The following BICD1 variants were observed in gnomAD, a reference collection of about 807,000 sequenced individuals.
BICD1 encodes BICD cargo adaptor 1.
Under a neutral mutation model 92.5 loss-of-function variants are expected in BICD1, and 35 were observed. That is an observed-to-expected ratio of 0.38 (90% confidence interval 0.29 to 0.50). The LOEUF is 0.50. Ranked by LOEUF, BICD1 falls within the 20% of genes least tolerant of loss-of-function variation. BICD1 has a pLI of 0.93. For missense variants in BICD1, 950 were observed against 1,189.8 expected, an observed-to-expected ratio of 0.80 and a Z score of 2.97; for synonymous variants, 429 against 465.1, an observed-to-expected ratio of 0.92 and a Z score of 1.00.
intron 1 of BICD1, among the ~76,000 whole-genome samples, chr12:32,173,143 G>T (rs1172459873): frequency 1.5e-4 from 23 of 152,086 alleles, no homozygotes; most frequent in Admixed American, 1.4e-3. Flanking sequence ...CGCCTCCAGG[G>T]TTCAAGCAAT....
At chr12:32,267,618 G>A (rs1274710034) in intron 2 of BICD1, among the ~76,000 whole-genome samples, 2 of 151,580 alleles carry the variant, frequency 1.3e-5, no homozygotes, top group African/African-American at 2.4e-5. Flanking sequence ...TCCTTATTAA[G>A]CTATTTTTTT....
At chr12:32,226,509 C>A (rs1166225634) in intron 2 of BICD1, among the ~76,000 whole-genome samples, 1 of 152,206 alleles carries the variant, frequency 6.6e-6, no homozygotes, top group Non-Finnish European at 1.5e-5. Flanking sequence ...ACCATCTCCT[C>A]ACTTCACACT....
In BICD1 at chr12:32,328,461, C is replaced by A. The variant is rs375672599; in HGVS notation, c.2006C>A (p.Ala669Asp). The A allele has an allele frequency of 5.6e-6, 9 of 1,614,034 alleles. No homozygotes were observed. In the African/African-American group the frequency reaches 6.7e-5, roughly 12 times the overall value. Residue 669 changes from alanine to aspartate, a missense_variant, in exon 5 of 10, where the codon GCC (alanine) becomes GAC (aspartate). By Grantham distance (126) the Ala-to-Asp change is moderately radical. Around this residue, in one of 5 missense-constraint regions of BICD1, gnomAD observed 309 missense variants for 499.4 expected, o/e 0.62. Coordinates refer to ENST00000652176, the MANE Select transcript of BICD1 (RefSeq NM_001714.4). This position sits in a 1 kb window ranked among gnomAD's most constrained non-coding sequence, Gnocchi z 4.4. ...LAPMIDKDKEALMEEILKLKS... is the reference protein window; with the variant it reads ...LAPMIDKDKEDLMEEILKLKS... ...CCCATGATTGATAAAGACAAGGAAG[C>A]CTTAATGGAAGAGATCCTCAAGCTA...
intron 8 of BICD1, among the ~76,000 whole-genome samples, chr12:32,366,792 T>A (rs1007773848): frequency 6.6e-6 from 1 of 152,254 alleles, no homozygotes; most frequent in African/African-American, 2.4e-5. Context: ...AAAATCTTTT[T>A]GGAGAAATAT....
chr12:32,274,274 C>T (rs994903752), intron 2 of BICD1, among the ~76,000 whole-genome samples: 1 of 152,124 alleles, frequency 6.6e-6, no homozygotes, highest in African/African-American at 2.4e-5. Context: ...ATCAATACCT[C>T]GAAGTCTGTA....
rs190661701 is a variant in BICD1 at position 32,241,014 on chromosome 12, A to G, written c.426+24555A>G. Among the ~76,000 whole-genome samples, 218 of 152,290 alleles carry G rather than the reference A, an allele frequency of 1.4e-3. 1 individual carries two copies. Among genetic ancestry groups the G allele is most frequent in the African/African-American group, 5.2e-3 (215 of 41,554 alleles). On this transcript the variant is annotated intron_variant, in intron 2 of 9. Transcript: ENST00000652176. ...CTGGGGCCAGTCAGCAGAGGAGGGCAGTGAGTCACTCCAAGGTCAGACAGT... is the reference window on the plus strand; with the variant it reads ...CTGGGGCCAGTCAGCAGAGGAGGGCGGTGAGTCACTCCAAGGTCAGACAGT...
At chr12:32,108,348 T>G (rs1470074316) in intron 1 of BICD1, 3 of 241,610 alleles carry the variant, frequency 1.2e-5, no homozygotes, top group African/African-American at 6.7e-5. Flanking sequence ...TCTCTTTAGT[T>G]TTTTGGTATT....
rs187024341 is a variant in BICD1, at chr12:32,213,358, G to A, written c.214-2889G>A. 3.5e-4 allele frequency among the ~76,000 whole-genome samples: 54 copies of A among 152,292 alleles called. 1 individual carries two copies. Among genetic ancestry groups the A allele is most frequent in the Admixed American group, 5.9e-4 (9 of 15,298 alleles). On this transcript the variant is annotated intron_variant, in intron 1 of 9. Transcript: ENST00000652176. ...CATTTTTGACAACAATACCACTGAA[G>A]TGATGTTGTGCCCTTCCCAATGTTT...
In BICD1 at chr12:32,382,887, G is replaced by A. The variant is rs1940233993; in HGVS notation, c.*5260G>A. The A allele has an allele frequency of 6.6e-6, 1 of 151,996 alleles. No homozygotes were observed. Among genetic ancestry groups the A allele is most frequent in the African/African-American group, 2.4e-5 (1 of 41,398 alleles). The allele number at this position is 151,996 out of a possible 1,614,324, so 9.4% of individuals were successfully genotyped here. A position where few individuals can be genotyped will look rare whatever the true frequency, so the allele number is the denominator to read the frequency against. On this transcript the variant is annotated 3_prime_UTR_variant, in exon 10 of 10. Transcript: ENST00000652176. Reference sequence around the variant, plus strand: ...TAATGGAGATACAGAATGACTCATTGGGTTCATAGGTATGATTTGTGCAGC... The same window carrying A: ...TAATGGAGATACAGAATGACTCATTAGGTTCATAGGTATGATTTGTGCAGC...
intron 1 of BICD1, among the ~76,000 whole-genome samples, chr12:32,142,964 T>G (rs1942993091): frequency 6.6e-6 from 1 of 152,196 alleles, no homozygotes; most frequent in Non-Finnish European, 1.5e-5. Context: ...CTACAAGCCG[T>G]TAAATAGTTC....
chr12:32,322,541 G>A (rs1948687035), intron 4 of BICD1, among the ~76,000 whole-genome samples: 1 of 152,184 alleles, frequency 6.6e-6, no homozygotes, highest in Admixed American at 6.5e-5. Context: ...GGTAATGTTT[G>A]CTCGCCTGCC....
chr12:32,381,859 T>G lies in BICD1; in HGVS notation c.*4232T>G, dbSNP rs766710595. 3.9e-5 allele frequency: 6 copies of G among 152,142 alleles called. No individual in the cohort carries two copies. The highest frequency in any genetic ancestry group is 5.9e-5 in the Non-Finnish European group (4 of 67,974). The allele number at this position is 152,142 out of a possible 1,614,324, so 9.4% of individuals were successfully genotyped here. A position where few individuals can be genotyped will look rare whatever the true frequency, so the allele number is the denominator to read the frequency against. On this transcript the variant is annotated 3_prime_UTR_variant, in exon 10 of 10. Transcript: ENST00000652176. ...TTTGTTTATAAACTAGAGTGATTTT[T>G]AAGTAACCCTTATATTTAAGGCTGC... is the stretch of plus-strand genomic sequence containing the variant.
At chr12:32,261,269 A>C (rs770412035) in intron 2 of BICD1, among the ~76,000 whole-genome samples, 1 of 152,238 alleles carries the variant, frequency 6.6e-6, no homozygotes, top group Non-Finnish European at 1.5e-5. Context: ...ACAGACGATG[A>C]ATAGTAATTA....
intron 1 of BICD1, among the ~76,000 whole-genome samples, chr12:32,128,996 C>T (rs1044453848): frequency 2.6e-5 from 4 of 151,852 alleles, no homozygotes; most frequent in Admixed American, 2.6e-4. Flanking sequence ...GGCTGGAGTG[C>T]AGTGGCACGA....
At chr12:32,367,858 A>G in intron 9 of BICD1, 113 bp downstream of exon 9, 1 of 979,900 alleles carries the variant, frequency 1.0e-6, no homozygotes, top group Non-Finnish European at 1.6e-6. Flanking sequence ...GCTGTATTTT[A>G]TTTCAAGTGT....
intron 2 of BICD1, among the ~76,000 whole-genome samples, chr12:32,236,943 C>T (rs996257913): frequency 2.4e-4 from 34 of 142,818 alleles, no homozygotes; most frequent in African/African-American, 8.2e-4. Context: ...GGCACAATCT[C>T]GGCTCACTGC....
chr12:32,256,563 A>G (rs1946726884), intron 2 of BICD1, among the ~76,000 whole-genome samples: 1 of 152,246 alleles, frequency 6.6e-6, no homozygotes, highest in South Asian at 2.1e-4. Context: ...TTAGAAAATG[A>G]TAAAGAAAAG....
intron 8 of BICD1, among the ~76,000 whole-genome samples, chr12:32,346,884 A>G (rs905741911): frequency 2.0e-5 from 3 of 150,320 alleles, no homozygotes; most frequent in African/African-American, 7.3e-5. Flanking sequence ...TCTAAATTTG[A>G]ATAACTAATG....
rs1240591777 is a variant in BICD1, at chr12:32,382,277, T to C, written c.*4650T>C. ...AGAGATATTTAGTATTAAGACATGTTCCCCAATTGAGAATTTTCCAGAATA... is the reference window on the plus strand; with the variant it reads ...AGAGATATTTAGTATTAAGACATGTCCCCCAATTGAGAATTTTCCAGAATA... On this transcript the variant is annotated 3_prime_UTR_variant, in exon 10 of 10. Transcript: ENST00000652176. The C allele has an allele frequency of 6.6e-6, 1 of 151,970 alleles. No individual in the cohort carries two copies. Among genetic ancestry groups the C allele is most frequent in the Non-Finnish European group, 1.5e-5 (1 of 67,920 alleles). 9.4% of individuals were successfully genotyped at this position (151,970 alleles called of 1,614,324 possible). A position where few individuals can be genotyped will look rare whatever the true frequency, so the allele number is the denominator to read the frequency against.
Sources: allele counts gnomAD v4.1 joint callset (sites outside exome capture counted in the v4.1 genomes callset), GRCh38; gene constraint gnomAD v4.1.1; regional missense constraint gnomAD v4.1.1; non-coding constraint Gnocchi (gnomAD v3.1); transcripts MANE v1.5; gene names NCBI Gene and HGNC (gene_info 2026-07-23, HGNC 2026-07-21).